PTPRM: variants seen among roughly 807,000 people sequenced by gnomAD.
PTPRM encodes the protein protein tyrosine phosphatase receptor type M.
A neutral mutation model predicts 186.7 loss-of-function variants in PTPRM; 47 were observed. That is an observed-to-expected ratio of 0.25 (90% CI 0.20 to 0.32). PTPRM has a LOEUF of 0.32. Among genes scored for constraint, PTPRM ranks in the 10% least tolerant of loss-of-function variants. PTPRM has a pLI of 1.00. For synonymous variants in PTPRM, 668 were observed against 674.9 expected, an observed-to-expected ratio of 0.99 and a Z score of 0.16; for missense variants, 1,494 against 1,865.0, an observed-to-expected ratio of 0.80 and a Z score of 3.66.
At chr18:7,789,070 C>T (rs1303566539) in intron 2 of PTPRM, among the ~76,000 whole-genome samples, 1 of 152,082 alleles carries the variant, frequency 6.6e-6, no homozygotes, top group Non-Finnish European at 1.5e-5. Flanking sequence ...ACCTGTAATC[C>T]CAGCATTTTG....
intron 1 of PTPRM, among the ~76,000 whole-genome samples, chr18:7,616,019 G>C: frequency 6.6e-6 from 1 of 152,102 alleles, no homozygotes; most frequent in East Asian, 1.9e-4. Flanking sequence ...TGGAGCTCAG[G>C]CAGTAATGCT....
chr18:8,015,503 A>G (rs910832879), intron 7 of PTPRM, among the ~76,000 whole-genome samples: 4 of 152,220 alleles, frequency 2.6e-5, no homozygotes, highest in African/African-American at 9.6e-5. Flanking sequence ...CTAACTCTGG[A>G]TAACACTTGG....
intron 14 of PTPRM, among the ~76,000 whole-genome samples, chr18:8,167,035 C>T (rs1175099109): frequency 6.6e-6 from 1 of 152,220 alleles, no homozygotes; most frequent in Non-Finnish European, 1.5e-5. Context: ...TGTGCAGGCT[C>T]TAAGCTACTC....
chr18:7,904,346 C>T (rs117698358), intron 3 of PTPRM, among the ~76,000 whole-genome samples: 1,982 of 152,222 alleles, frequency 0.013, 20 homozygotes, highest in South Asian at 0.032. Flanking sequence ...ACCACAGTGA[C>T]GATGCTAAAC....
At position 8,376,493 on chromosome 18, in the gene PTPRM, G is replaced by A. The variant is rs751046402; in HGVS notation, c.3358G>A (p.Val1120Ile). Residue 1120 changes from valine (V) to isoleucine (I), a missense_variant, in exon 26 of 33, where the codon GTC becomes ATC. Physicochemically the swap from Val to Ile is conservative, Grantham distance 29. This residue lies in a region of PTPRM where 1,107 missense variants were observed against 1,350.2 expected (regional missense o/e 0.82). Transcript: ENST00000580170. The part of the protein sequence containing the change: ...AGAGRTGCFI[V>I]IDIMLDMAER... ...TGCAGGGAGGACTGGCTGTTTCATC[G>A]TCATTGATATCATGTTGGACATGGC... 17 of 1,613,908 alleles carry A rather than the reference G, an allele frequency of 1.1e-5. No homozygotes were observed. Among genetic ancestry groups the A allele is most frequent in the Middle Eastern group, 1.6e-4 (1 of 6,074 alleles).
chr18:7,920,291 TA>T (rs770420057), intron 4 of PTPRM, among the ~76,000 whole-genome samples: 115 of 152,288 alleles, frequency 7.6e-4, no homozygotes, highest in Admixed American at 1.4e-3. Context: ...ACTTTGTAGT[TA>T]AATGATTTTC....
intron 22 of PTPRM, among the ~76,000 whole-genome samples, chr18:8,332,011 C>G (rs659086): frequency 0.53 from 80,628 of 152,074 alleles, 22,297 homozygotes; most frequent in Non-Finnish European, 0.62. Context: ...TCCTTCCTAA[C>G]AGGCTTCATT....
intron 14 of PTPRM, among the ~76,000 whole-genome samples, chr18:8,243,217 A>G (rs1435045313): frequency 3.9e-5 from 6 of 152,176 alleles, no homozygotes; most frequent in Admixed American, 3.9e-4. Context: ...AGCGAGCAGG[A>G]TGCAGAGGCC....
At chr18:7,823,124 T>A (rs2045294551) in intron 2 of PTPRM, among the ~76,000 whole-genome samples, 1 of 152,180 alleles carries the variant, frequency 6.6e-6, no homozygotes, top group Admixed American at 6.5e-5. Flanking sequence ...CGTTCTACTC[T>A]TGTTGCCCTA....
intron 7 of PTPRM, among the ~76,000 whole-genome samples, chr18:8,061,447 G>A (rs2088499965): frequency 8.0e-6 from 1 of 124,926 alleles, no homozygotes; most frequent in Non-Finnish European, 1.7e-5. Context: ...GGAGAATTTA[G>A]TCCATTTACA....
In PTPRM at chr18:7,908,105, C is replaced by T. The variant is rs901564303; in HGVS notation, c.547+1522C>T. Among the ~76,000 whole-genome samples the T allele has an allele frequency of 2.0e-5, 3 of 152,218 alleles. No individual in the cohort carries two copies. The South Asian group carries it at 6.2e-4, about 32-fold the overall frequency. On this transcript the variant is annotated intron_variant, in intron 4 of 32. Coordinates refer to ENST00000580170, the MANE Select transcript of PTPRM (RefSeq NM_001105244.2). ...GAGTGTGTTCTTAGAGGCTGAATTG[C>T]TGGGATGTAGTGCAGAGACGTTCTT...
chr18:7,728,338 G>A (rs528467967), intron 1 of PTPRM, among the ~76,000 whole-genome samples: 6 of 152,134 alleles, frequency 3.9e-5, no homozygotes, highest in Non-Finnish European at 7.3e-5. Flanking sequence ...GAGGAGGGTG[G>A]AATTTATTAA....
In PTPRM at chr18:7,568,030, C is replaced by T; in HGVS notation, c.73+139C>T. 2 of 795,256 alleles carry T rather than the reference C, an allele frequency of 2.5e-6. No homozygotes were observed. The highest frequency in any genetic ancestry group is 1.7e-6 in the Non-Finnish European group (1 of 575,712). The allele number at this position is 795,256 out of a possible 1,614,324, so 49.3% of individuals were successfully genotyped here. On this transcript the variant is annotated intron_variant, in intron 1 of 32. Transcript: ENST00000580170. The surrounding 1 kb of genome is among the most constrained non-coding windows in gnomAD (Gnocchi z 5.1). ...GGGCGCGGCGGGCCGGACACCGCTT[C>T]TGCCTGTGAGCCGGGCGCTGGGCGA...
chr18:8,288,501 C>T (rs1355964770), intron 19 of PTPRM, among the ~76,000 whole-genome samples: 3 of 152,212 alleles, frequency 2.0e-5, no homozygotes, highest in African/African-American at 7.2e-5. Flanking sequence ...TAATGCCCTA[C>T]TGACACTCAC....
In PTPRM at chr18:8,038,380, ATT is replaced by A. The variant is rs10708528; in HGVS notation, c.1133-31288_1133-31287del. Among the ~76,000 whole-genome samples, 185 of 124,354 alleles carry A rather than the reference ATT, an allele frequency of 1.5e-3. No homozygotes were observed. In the Middle Eastern group the frequency reaches 0.017, roughly 12 times the overall value. The allele number at this position is 124,354 out of a possible 152,430, so 81.6% of individuals were successfully genotyped here. On this transcript the variant is annotated intron_variant, in intron 7 of 32. Transcript: ENST00000580170. ...TATTTTTTCCTCAATTAGCTTTTAGATTTTTTTTTTTTTTTTTTTGGTGTTAT... is the reference window on the plus strand; with the variant it reads ...TATTTTTTCCTCAATTAGCTTTTAGATTTTTTTTTTTTTTTTTGGTGTTAT...
chr18:7,618,382 A>G (rs2037856892), intron 1 of PTPRM, among the ~76,000 whole-genome samples: 1 of 152,198 alleles, frequency 6.6e-6, no homozygotes, highest in Non-Finnish European at 1.5e-5. Context: ...TGAATAATAC[A>G]TTTTAAAAGA....
rs1478841975 is a variant in PTPRM at position 7,984,598 on chromosome 18, TATATAC to T, written c.1132+29186_1132+29191del. Among the ~76,000 whole-genome samples the T allele has an allele frequency of 2.2e-4, 25 of 115,114 alleles. No homozygotes were observed. In the South Asian group the frequency reaches 3.0e-3, roughly 14 times the overall value. The allele number at this position is 115,114 out of a possible 152,430, so 75.5% of individuals were successfully genotyped here. ...ATATATATATATATATATATATATA[TATATAC>T]ACACACACACACACACACACACACA... On this transcript the variant is annotated intron_variant, in intron 7 of 32. Transcript: ENST00000580170.
intron 2 of PTPRM, among the ~76,000 whole-genome samples, chr18:7,881,453 G>C (rs984843801): frequency 5.9e-5 from 9 of 152,176 alleles, no homozygotes; most frequent in Admixed American, 5.9e-4. Flanking sequence ...GGCAGCGGGG[G>C]AAGTACAACC....
intron 7 of PTPRM, among the ~76,000 whole-genome samples, chr18:8,015,946 T>C (rs1360055313): frequency 1.3e-5 from 2 of 152,104 alleles, no homozygotes; most frequent in Non-Finnish European, 2.9e-5. Context: ...CCTCGAAATA[T>C]CAATTAACAA....
Sources: allele counts gnomAD v4.1 joint callset (sites outside exome capture counted in the v4.1 genomes callset), GRCh38; gene constraint gnomAD v4.1.1; regional missense constraint gnomAD v4.1.1; non-coding constraint Gnocchi (gnomAD v3.1); transcripts MANE v1.5; gene names NCBI Gene and HGNC (gene_info 2026-07-23, HGNC 2026-07-21).